The following EMC1 variants were observed in gnomAD, a reference collection of about 807,000 sequenced individuals.
The protein encoded by EMC1 is ER membrane protein complex subunit 1.
EMC1 carries 103 observed loss-of-function variants against 128.8 expected under a neutral mutation model. The observed-to-expected ratio is 0.80, with a 90% confidence interval of 0.68 to 0.94. The LOEUF (loss-of-function observed/expected upper bound fraction) is 0.94, where lower values mean the gene tolerates loss of function less well. EMC1 is among the 40% of genes least tolerant of loss of function. EMC1 has a pLI of 0.00. For missense variants in EMC1, 1,083 were observed against 1,250.6 expected, an observed-to-expected ratio of 0.87 and a Z score of 2.02; for synonymous variants, 442 against 490.4, an observed-to-expected ratio of 0.90 and a Z score of 1.30.
At chr1:19,240,948 G>A in intron 6 of EMC1, 68 bp downstream of exon 6, 1 of 1,568,820 alleles carries the variant, frequency 6.4e-7, no homozygotes, top group Non-Finnish European at 8.7e-7. Context: ...CTGTTCCCCA[G>A]TACAAAGAAA....
Position 19,240,350 on chromosome 1 carries a change from G to A in EMC1, c.733C>T (p.Leu245Phe), listed in dbSNP as rs753983035. The change falls in exon 7 of 23, where the codon CTC becomes TTC. Residue 245 changes from leucine (L) to phenylalanine (F), a missense_variant. By Grantham distance (22) the Leu-to-Phe change is conservative (BLOSUM62 0). Around this residue, in one of 3 missense-constraint regions of EMC1, gnomAD observed 544 missense variants for 572.4 expected, o/e 0.95. Transcript: ENST00000477853. ...TCCGTCTCCAGAGCCAAAGTTTGGA[G>A]GGAACGTGAGCTCGGGTCAGGACAC... ...LVCPDPSSRS[L>F]QTLALETEWE... 13 of 1,614,216 alleles carry A rather than the reference G, an allele frequency of 8.1e-6. No homozygotes were observed. The South Asian group carries it at 1.3e-4, about 16-fold the overall frequency.
chr1:19,235,017 C>T, intron 13 of EMC1, 113 bp downstream of exon 13: 2 of 1,285,294 alleles, frequency 1.6e-6, no homozygotes, highest in Non-Finnish European at 2.1e-6. Context: ...TCAGAAAAGA[C>T]TAGCAATCTG....
Position 19,238,111 on chromosome 1 carries a change from T to C in EMC1, c.1118A>G (p.Tyr373Cys), listed in dbSNP as rs1165994376. 6.2e-7 allele frequency: 1 copy of C among 1,614,014 alleles called. No homozygotes were observed. The change falls in exon 11 of 23, where the codon TAC becomes TGC. Residue 373 changes from tyrosine to cysteine, a missense_variant. Physicochemically the swap from Tyr to Cys is radical, Grantham distance 194. Transcript: ENST00000477853. ...KDSLACFNQT[Y>C]TINLYLVETG... ...CTCCACGAGGTATAGGTTAATGGTG[T>C]AGGTCTGATTGAAGCAAGCCAGAGA...
intron 12 of EMC1, 134 bp downstream of exon 12, chr1:19,237,008 T>C (rs1572012377): frequency 1.7e-6 from 1 of 590,846 alleles, no homozygotes; most frequent in Non-Finnish European, 3.1e-6. Flanking sequence ...GACATTTGGC[T>C]ATGAACGAAA....
rs749646972 is a variant in EMC1 at position 19,243,651 on chromosome 1, C to G, written c.343G>C (p.Gly115Arg). The G allele has an allele frequency of 6.2e-7, 1 of 1,614,128 alleles. No individual in the cohort carries two copies. The highest frequency in any genetic ancestry group is 8.5e-7 in the Non-Finnish European group (1 of 1,180,022). The change falls in exon 4 of 23, where the codon GGG becomes CGG. Residue 115 changes from glycine to arginine, a missense_variant. Gly to Arg is a moderately radical substitution (Grantham distance 125). Transcript: ENST00000477853. ...RIMRSWETNI[G>R]GLNWEITLDS... ...AGGGTTATCTCCCAGTTCAGGCCCC[C>G]GATGTTAGTCTCCCAGGAACGCATG... is the stretch of plus-strand genomic sequence containing the variant.
At chr1:19,247,144 C>T (rs111287456) in intron 1 of EMC1, among the ~76,000 whole-genome samples, 13 of 152,298 alleles carry the variant, frequency 8.5e-5, no homozygotes, top group Middle Eastern at 3.4e-3. Flanking sequence ...ATTGTTTAAG[C>T]CACCTAGTCT....
intron 20 of EMC1, 119 bp downstream of exon 20, chr1:19,222,505 A>T: frequency 1.2e-6 from 1 of 867,622 alleles, no homozygotes; most frequent in Non-Finnish European, 1.9e-6. Context: ...AGCCCTCCTC[A>T]CCACCTTTCC....
At chr1:19,246,042 C>G (rs1461403176) in intron 1 of EMC1, among the ~76,000 whole-genome samples, 3 of 152,036 alleles carry the variant, frequency 2.0e-5, no homozygotes, top group East Asian at 3.9e-4. Context: ...GAGGTCGAGG[C>G]TGCAGTGAGC....
intron 12 of EMC1, among the ~76,000 whole-genome samples, chr1:19,235,485 G>A (rs1425048188): frequency 1.3e-5 from 2 of 151,988 alleles, no homozygotes; most frequent in Non-Finnish European, 2.9e-5. Flanking sequence ...GGCAGATCAC[G>A]AGGTCAGGAG....
At position 19,243,935 on chromosome 1, in the gene EMC1, G is replaced by A. The variant is rs1434511015; in HGVS notation, c.286+15C>T. 2 of 1,613,516 alleles carry A rather than the reference G, an allele frequency of 1.2e-6. No homozygotes were observed. The highest frequency in any genetic ancestry group is 1.7e-6 in the Non-Finnish European group (2 of 1,179,640). ...AGCTGGCCGCACAATGGAGACACGG[G>A]AGGACTCTGCTTACCCTGTCCGTGC... On this transcript the variant is annotated intron_variant, in intron 3 of 22. Coordinates refer to ENST00000477853, the MANE Select transcript of EMC1 (RefSeq NM_015047.3).
At chr1:19,237,463 G>A (rs2093574068) in intron 11 of EMC1, among the ~76,000 whole-genome samples, 1 of 152,200 alleles carries the variant, frequency 6.6e-6, no homozygotes, top group South Asian at 2.1e-4. Context: ...AAGAACCTGA[G>A]TACTCCACGG....
In EMC1 at chr1:19,218,565, C is replaced by T. The variant is rs1346910036; in HGVS notation, c.*738G>A. On this transcript the variant is annotated 3_prime_UTR_variant, in exon 23 of 23. Transcript: ENST00000477853. ...TTCAGTAGTTTTTAAAAGGCCCCAACTCACACATCTCAGGTGAAAAGTATA... is the reference window on the plus strand; with the variant it reads ...TTCAGTAGTTTTTAAAAGGCCCCAATTCACACATCTCAGGTGAAAAGTATA... 8 of 152,352 alleles carry T rather than the reference C, an allele frequency of 5.3e-5. No homozygotes were observed. The East Asian group carries it at 1.5e-3, about 29-fold the overall frequency. The allele number at this position is 152,352 out of a possible 1,614,324, so 9.4% of individuals were successfully genotyped here.
At chr1:19,240,785 G>A (rs1288552827) in intron 6 of EMC1, 1 of 585,052 alleles carries the variant, frequency 1.7e-6, no homozygotes, top group South Asian at 2.2e-5. Context: ...GATACTTACA[G>A]GCAGAGACTA....
rs2093405806 is a variant in EMC1 at position 19,218,011 on chromosome 1, C to G, written c.*1292G>C. The G allele has an allele frequency of 6.6e-6, 1 of 152,242 alleles. No homozygotes were observed. The highest frequency in any genetic ancestry group is 6.5e-5 in the Admixed American group (1 of 15,282). The allele number at this position is 152,242 out of a possible 1,614,324, so 9.4% of individuals were successfully genotyped here. On this transcript the variant is annotated 3_prime_UTR_variant, in exon 23 of 23. Coordinates refer to ENST00000477853, the MANE Select transcript of EMC1 (RefSeq NM_015047.3). ...AAAATAAAATACACTTACTCCATGT[C>G]TTCACTGCTTTTATCCCCTCTAATG... is the stretch of plus-strand genomic sequence containing the variant.
intron 17 of EMC1, 32 bp downstream of exon 17, chr1:19,230,812 A>G (rs369374738): frequency 1.9e-5 from 30 of 1,613,072 alleles, no homozygotes; most frequent in Non-Finnish European, 1.2e-5. Context: ...CATCTCATCC[A>G]CAAAGGGTTG....
intron 20 of EMC1, 72 bp downstream of exon 20, chr1:19,222,552 G>T (rs55779544): frequency 2.3e-6 from 3 of 1,323,282 alleles, no homozygotes; most frequent in African/African-American, 2.9e-5. Flanking sequence ...CCAGCAATGT[G>T]TCCCTTGCTC....
rs1309246815 is a variant in EMC1, at chr1:19,216,830, A to G, written c.*2473T>C. ...CTCAGCCTCCTGAGTAGCTAGGACC[A>G]CAGGCACATGCCACCAGGCCCGGCT... On this transcript the variant is annotated 3_prime_UTR_variant, in exon 23 of 23. Coordinates refer to ENST00000477853, the MANE Select transcript of EMC1 (RefSeq NM_015047.3). 6.6e-6 allele frequency: 1 copy of G among 152,282 alleles called. No individual in the cohort carries two copies. Among genetic ancestry groups the G allele is most frequent in the Non-Finnish European group, 1.5e-5 (1 of 68,140 alleles). 9.4% of individuals were successfully genotyped at this position (152,282 alleles called of 1,614,324 possible). A position where few individuals can be genotyped will look rare whatever the true frequency, so the allele number is the denominator to read the frequency against.
intron 21 of EMC1, chr1:19,220,535 G>C: frequency 2.8e-6 from 1 of 361,356 alleles, no homozygotes; most frequent in Non-Finnish European, 5.0e-6. Context: ...CTTAGCATTT[G>C]AGTACCTAAC....
In EMC1 at chr1:19,219,670, C is replaced by A. The variant is rs2093416510; in HGVS notation, c.2701G>T (p.Asp901Tyr). The A allele has an allele frequency of 6.2e-7, 1 of 1,613,952 alleles. No homozygotes were observed. Among genetic ancestry groups the A allele is most frequent in the Admixed American group, 1.7e-5 (1 of 59,988 alleles). ...AATCGCTCTGCGTGTATCTGTACAT[C>A]TGGAGAATACGGGATTAAGTTCTCC... The part of the protein sequence containing the change: ...REENLIPYSP[D>Y]VQIHAERFIN... The change falls in exon 22 of 23, where the codon GAT becomes TAT. Residue 901 changes from aspartate (D) to tyrosine (Y), a missense_variant. Asp to Tyr is a radical substitution (Grantham distance 160). Coordinates refer to ENST00000477853, the MANE Select transcript of EMC1 (RefSeq NM_015047.3).
Sources: allele counts gnomAD v4.1 joint callset (sites outside exome capture counted in the v4.1 genomes callset), GRCh38; gene constraint gnomAD v4.1.1; regional missense constraint gnomAD v4.1.1; transcripts MANE v1.5; gene names NCBI Gene and HGNC (gene_info 2026-07-23, HGNC 2026-07-21).